Variants in ZIC5 observed in about 807,000 individuals in gnomAD.
ZIC5 encodes the protein Zic family zinc finger 5, also known as zinc finger protein ZIC 5.
In ZIC5, 20 loss-of-function variants were observed where a neutral mutation model predicts 28.5. The observed-to-expected ratio is 0.70, with a 90% CI of 0.49 to 1.02. ZIC5 has a LOEUF of 1.02. Ranked by LOEUF, ZIC5 falls within the 50% of genes least tolerant of loss-of-function variation. ZIC5 has a pLI of 0.00. For missense variants in ZIC5, 951 were observed against 899.7 expected, an observed-to-expected ratio of 1.06 and a Z score of -0.73; for synonymous variants, 488 against 410.4, an observed-to-expected ratio of 1.19 and a Z score of -2.29.
At chr13:99,969,905 G>A (rs1338928751) in intron 1 of ZIC5, among the ~76,000 whole-genome samples, 1 of 151,750 alleles carries the variant, frequency 6.6e-6, no homozygotes, top group Non-Finnish European at 1.5e-5. Context: ...AACCCAACGC[G>A]GGGCCTGTGT....
chr13:99,969,571 A>C (rs934877546), intron 1 of ZIC5, among the ~76,000 whole-genome samples: 14 of 151,938 alleles, frequency 9.2e-5, no homozygotes, highest in Non-Finnish European at 1.6e-4. Flanking sequence ...GTCTTCCCGG[A>C]GGGGTCCCTT....
intron 1 of ZIC5, among the ~76,000 whole-genome samples, chr13:99,969,490 A>G (rs1170109683): frequency 4.3e-5 from 6 of 139,880 alleles, no homozygotes; most frequent in Non-Finnish European, 9.6e-5. Flanking sequence ...CACGCAGAAG[A>G]AGGTGTGCGT....
Position 99,970,122 on chromosome 13 carries a change from C to T in ZIC5, c.1477+5G>A, listed in dbSNP as rs1448615721. 1 of 1,604,000 alleles carries T rather than the reference C, an allele frequency of 6.2e-7. No homozygotes were observed. Among genetic ancestry groups the T allele is most frequent in the Non-Finnish European group, 8.5e-7 (1 of 1,176,378 alleles). On this transcript the variant is annotated splice_donor_5th_base_variant and intron_variant, in intron 1 of 1. Coordinates refer to ENST00000267294, the MANE Select transcript of ZIC5 (RefSeq NM_033132.5). ...GCGGCGGCGCGGCCGGGGACAGACACCCACCTGTATGAGTACGCTTGTGGA... is the reference window on the plus strand; with the variant it reads ...GCGGCGGCGCGGCCGGGGACAGACATCCACCTGTATGAGTACGCTTGTGGA...
Position 99,970,931 on chromosome 13 carries a change from C to G in ZIC5, c.673G>C (p.Ala225Pro), listed in dbSNP as rs979450034. ...GMFISASGTY[A>P]GPDGSGGPAL... The stretch of plus-strand genomic sequence containing the variant: ...GGGCCGCCGCTGCCGTCCGGGCCCG[C>G]GTAGGTGCCGCTGGCGGAGATGAAC... The change falls in exon 1 of 2, where the codon GCG (alanine) becomes CCG (proline). Residue 225 changes from alanine to proline, a missense_variant. By Grantham distance (27) the Ala-to-Pro change is conservative (BLOSUM62 -1). This residue lies in a region of ZIC5 where 784 missense variants were observed against 660.1 expected (regional missense o/e 1.19). Transcript: ENST00000267294. 7.2e-6 allele frequency: 10 copies of G among 1,387,050 alleles called. No individual in the cohort carries two copies. The highest frequency in any genetic ancestry group is 9.2e-6 in the Non-Finnish European group (10 of 1,081,546). The allele number at this position is 1,387,050 out of a possible 1,614,324, so 85.9% of individuals were successfully genotyped here.
At position 99,970,694 on chromosome 13, in the gene ZIC5, CG is replaced by C; in HGVS notation, c.909del (p.Tyr303Ter). 8.4e-7 allele frequency: 1 copy of C among 1,195,498 alleles called. No individual in the cohort carries two copies. The allele number at this position is 1,195,498 out of a possible 1,614,324, so 74.1% of individuals were successfully genotyped here. ...AAAAAAALHG[Y>X]GAVNLNLNLA... is the part of the protein sequence containing the mutation. ...AGGTTCAGGTTTAAGTTCACGGCTCCGTAGCCGTGCAGGGCGGCCGCCGCTG... is the reference window on the plus strand; with the variant it reads ...AGGTTCAGGTTTAAGTTCACGGCTCCTAGCCGTGCAGGGCGGCCGCCGCTG... On this transcript the variant is annotated frameshift_variant, in exon 1 of 2. Coordinates refer to ENST00000267294, the MANE Select transcript of ZIC5 (RefSeq NM_033132.5). LOFTEE classifies it high-confidence loss of function.
chr13:99,970,596 CGGCGCCGGG>C lies in ZIC5; in HGVS notation c.999_1007del (p.Ala335_Pro337del), dbSNP rs1163003920. 2 of 995,812 alleles carry C rather than the reference CGGCGCCGGG, an allele frequency of 2.0e-6. No individual in the cohort carries two copies. Among genetic ancestry groups the C allele is most frequent in the Non-Finnish European group, 2.4e-6 (2 of 840,266 alleles). 61.7% of individuals were successfully genotyped at this position (995,812 alleles called of 1,614,324 possible). On this transcript the variant is annotated inframe_deletion, in exon 1 of 2. Coordinates refer to ENST00000267294, the MANE Select transcript of ZIC5 (RefSeq NM_033132.5). ...GCTGCGCGGGCGCCGGCGGCGGCGG[CGGCGCCGGG>C]GGCGGCGCGTGGTGCTGCAGGTGGG...
At chr13:99,967,015 G>T (rs1027577925) in intron 1 of ZIC5, among the ~76,000 whole-genome samples, 3 of 152,152 alleles carry the variant, frequency 2.0e-5, no homozygotes, top group Non-Finnish European at 4.4e-5. Flanking sequence ...TAAAAATAAA[G>T]TTGAATTTCT....
chr13:99,968,318 C>T (rs187149750), intron 1 of ZIC5, among the ~76,000 whole-genome samples: 2,004 of 152,312 alleles, frequency 0.013, 33 homozygotes, highest in African/African-American at 0.046. Flanking sequence ...CCCCCACGCT[C>T]CACCGGGTGG....
At position 99,965,512 on chromosome 13, in the gene ZIC5, G is replaced by A; in HGVS notation, c.1785C>T (p.Asn595=). 1.2e-6 allele frequency: 2 copies of A among 1,613,882 alleles called. No individual in the cohort carries two copies. The highest frequency in any genetic ancestry group is 1.7e-6 in the Non-Finnish European group (2 of 1,179,898). The change falls in exon 2 of 2, where the codon AAC becomes AAT. Residue 595 remains asparagine, a synonymous_variant. Coordinates refer to ENST00000267294, the MANE Select transcript of ZIC5 (RefSeq NM_033132.5). ...CCTGGCAAACGTACCACTCATTGAG[G>A]TTGGTCACCTGAGGGGACAGAGTGC... ...HSSTLSPQVT[N]LNEWYVCQAS...
At position 99,971,545 on chromosome 13, in the gene ZIC5, G is replaced by A. The variant is rs768871685; in HGVS notation, c.59C>T (p.Thr20Met). Residue 20 changes from threonine to methionine, a missense_variant, in exon 1 of 2, where the codon ACG becomes ATG. Physicochemically the swap from Thr to Met is moderately conservative, Grantham distance 81. This residue lies in a region of ZIC5 where 784 missense variants were observed against 660.1 expected (regional missense o/e 1.19). Coordinates refer to ENST00000267294, the MANE Select transcript of ZIC5 (RefSeq NM_033132.5). ...PPALRLADLA[T>M]AQVQPLQNMT... ...ATTCTGAAGCGGCTGGACCTGAGCC[G>A]TTGCCAAATCCGCTAATCTCAGCGC... is the stretch of plus-strand genomic sequence containing the variant. The A allele has an allele frequency of 4.5e-6, 7 of 1,552,390 alleles. No individual in the cohort carries two copies. The South Asian group carries it at 5.9e-5, about 13-fold the overall frequency.
At chr13:99,969,619 G>A (rs989811828) in intron 1 of ZIC5, among the ~76,000 whole-genome samples, 1 of 152,160 alleles carries the variant, frequency 6.6e-6, no homozygotes, top group Admixed American at 6.5e-5. Flanking sequence ...GCCCAAATCC[G>A]GCAGCAAATC....
chr13:99,969,143 A>G (rs1031876138), intron 1 of ZIC5, among the ~76,000 whole-genome samples: 2 of 152,238 alleles, frequency 1.3e-5, no homozygotes, highest in African/African-American at 2.4e-5. Context: ...CACAGGAGCC[A>G]TCCACCGCCT....
rs2053145099 is a variant in ZIC5, at chr13:99,970,586, G to A, written c.1018C>T (p.Pro340Ser). 6 of 985,428 alleles carry A rather than the reference G, an allele frequency of 6.1e-6. No homozygotes were observed. The highest frequency in any genetic ancestry group is 1.8e-5 in the African/African-American group (1 of 56,480). The allele number at this position is 985,428 out of a possible 1,614,324, so 61.0% of individuals were successfully genotyped here. The change falls in exon 1 of 2, where the codon CCG (proline) becomes TCG (serine). Residue 340 changes from proline (P) to serine (S), a missense_variant. This residue lies in a region of ZIC5 where 784 missense variants were observed against 660.1 expected (regional missense o/e 1.19). Transcript: ENST00000267294. The stretch of plus-strand genomic sequence containing the variant: ...TGGTGCGGGTGCTGCGCGGGCGCCG[G>A]CGGCGGCGGCGGCGCCGGGGGCGGC... ...HAPPPAPPPP[P>S]APAQHPHQHH...
intron 1 of ZIC5, among the ~76,000 whole-genome samples, chr13:99,969,856 C>G (rs1488827417): frequency 6.7e-6 from 1 of 148,248 alleles, no homozygotes; most frequent in Non-Finnish European, 1.5e-5. Context: ...GGGTCCCGGC[C>G]GAGGGGCTGC....
At chr13:99,966,467 T>G (rs1272291073) in intron 1 of ZIC5, among the ~76,000 whole-genome samples, 2 of 152,122 alleles carry the variant, frequency 1.3e-5, no homozygotes, top group African/African-American at 4.8e-5. Flanking sequence ...TGAAACATAC[T>G]CCCACCACTC....
chr13:99,967,764 A>G (rs2053110973), intron 1 of ZIC5, among the ~76,000 whole-genome samples: 1 of 152,248 alleles, frequency 6.6e-6, no homozygotes, highest in Non-Finnish European at 1.5e-5. Context: ...AGAGTTAAAT[A>G]AAGGAAGAGG....
rs755764351 is a variant in ZIC5 at position 99,971,090 on chromosome 13, C to A, written c.514G>T (p.Asp172Tyr). The A allele has an allele frequency of 7.0e-7, 1 of 1,438,072 alleles. No homozygotes were observed. The highest frequency in any genetic ancestry group is 3.0e-5 in the Admixed American group (1 of 32,870). The allele number at this position is 1,438,072 out of a possible 1,614,324, so 89.1% of individuals were successfully genotyped here. Residue 172 changes from aspartate to tyrosine, a missense_variant, in exon 1 of 2, where the codon GAC becomes TAC. Physicochemically the swap from Asp to Tyr is radical, Grantham distance 160 (BLOSUM62 -3). Around this residue, in one of 3 missense-constraint regions of ZIC5, gnomAD observed 784 missense variants for 660.1 expected, o/e 1.19. Transcript: ENST00000267294. ...GGSSGKGHSR[D>Y]FVLRRDLSAT... is the part of the protein sequence containing the mutation. The stretch of plus-strand genomic sequence containing the variant: ...GAAAGGTCCCTCCGGAGGACGAAGT[C>A]CCTGCTGTGGCCTTTGCCGCTGCTG...
At chr13:99,966,307 G>A (rs2053099808) in intron 1 of ZIC5, among the ~76,000 whole-genome samples, 2 of 152,180 alleles carry the variant, frequency 1.3e-5, no homozygotes, top group Non-Finnish European at 2.9e-5. Flanking sequence ...AAGTAAACTG[G>A]GGGGTACAGT....
At position 99,971,067 on chromosome 13, in the gene ZIC5, A is replaced by G; in HGVS notation, c.537T>C (p.Leu179=). Residue 179 remains leucine, a synonymous_variant, in exon 1 of 2, where the codon CTT becomes CTC. Transcript: ENST00000267294. ...TGGCCGCCGCGGGGGCCGTGGCGGA[A>G]AGGTCCCTCCGGAGGACGAAGTCCC... ...HSRDFVLRRD[L]SATAPAAAMH... The G allele has an allele frequency of 7.0e-7, 1 of 1,425,112 alleles. No homozygotes were observed. Among genetic ancestry groups the G allele is most frequent in the Non-Finnish European group, 9.1e-7 (1 of 1,101,494 alleles). The allele number at this position is 1,425,112 out of a possible 1,614,324, so 88.3% of individuals were successfully genotyped here. A position where few individuals can be genotyped will look rare whatever the true frequency, so the allele number is the denominator to read the frequency against.
Sources: gnomAD v4.1 joint callset for allele counts (sites outside exome capture counted in the v4.1 genomes callset) on GRCh38, gnomAD v4.1.1 for gene constraint, gnomAD v4.1.1 regional missense constraint, MANE v1.5 for transcripts, NCBI Gene and HGNC (gene_info 2026-07-23, HGNC 2026-07-21) for gene names.